The following RBFOX1 variants were observed in gnomAD, a reference collection of about 807,000 sequenced individuals.
RBFOX1 encodes the protein RNA binding fox-1 homolog 1.
Under a neutral mutation model 57.7 loss-of-function variants are expected in RBFOX1, and 8 were observed. The observed-to-expected ratio is 0.14, with a 90% CI of 0.08 to 0.25. The LOEUF (loss-of-function observed/expected upper bound fraction) is 0.25, where lower values mean the gene tolerates loss of function less well. RBFOX1 is among the 10% of genes least tolerant of loss of function. The pLI is 1.00. For missense variants in RBFOX1, 611 were observed against 548.5 expected, an observed-to-expected ratio of 1.11 and a Z score of -1.14; for synonymous variants, 326 against 222.4, an observed-to-expected ratio of 1.47 and a Z score of -4.15.
chr16:7,459,545 A>G (rs2059165027), intron 4 of RBFOX1, among the ~76,000 whole-genome samples: 1 of 152,208 alleles, frequency 6.6e-6, no homozygotes, highest in Non-Finnish European at 1.5e-5. Context: ...GTGTGGAACA[A>G]TTTAAAATTT....
chr16:5,387,970 G>T (rs1045354902), intron 1 of RBFOX1, among the ~76,000 whole-genome samples: 3 of 152,112 alleles, frequency 2.0e-5, no homozygotes, highest in African/African-American at 7.2e-5. Context: ...GGTGGAGGAG[G>T]GGACCACAAG....
chr16:7,349,797 A>G (rs2097093899), intron 4 of RBFOX1, among the ~76,000 whole-genome samples: 1 of 152,200 alleles, frequency 6.6e-6, no homozygotes, highest in Admixed American at 6.5e-5. Context: ...AGGAAAAAAT[A>G]AAGCAGAAAA....
At chr16:6,714,426 C>T (rs1045393839) in intron 3 of RBFOX1, among the ~76,000 whole-genome samples, 2 of 152,102 alleles carry the variant, frequency 1.3e-5, no homozygotes, top group African/African-American at 2.4e-5. Flanking sequence ...AAGCCACTGA[C>T]CACTATATGG....
intron 4 of RBFOX1, among the ~76,000 whole-genome samples, chr16:7,378,114 A>C (rs1170793661): frequency 6.6e-6 from 1 of 152,218 alleles, no homozygotes; most frequent in East Asian, 1.9e-4. Flanking sequence ...ATTGAGAAGT[A>C]GATCAGTCAG....
intron 4 of RBFOX1, among the ~76,000 whole-genome samples, chr16:7,382,542 T>A (rs1338150283): frequency 6.6e-6 from 1 of 152,218 alleles, no homozygotes; most frequent in Non-Finnish European, 1.5e-5. Flanking sequence ...ATGGCATAAC[T>A]CACCGAATTG....
intron 1 of RBFOX1, among the ~76,000 whole-genome samples, chr16:6,088,202 T>A (rs539735067): frequency 2.0e-5 from 3 of 152,286 alleles, no homozygotes; most frequent in Admixed American, 6.5e-5. Flanking sequence ...TTCTTTCATT[T>A]TTTTTTTCTC....
intron 4 of RBFOX1, among the ~76,000 whole-genome samples, chr16:7,189,678 G>C (rs1257381450): frequency 6.6e-6 from 1 of 151,904 alleles, no homozygotes; most frequent in African/African-American, 2.4e-5. Context: ...GCCTACCACT[G>C]GGAAAAAGGT....
intron 3 of RBFOX1, among the ~76,000 whole-genome samples, chr16:6,729,764 C>G (rs1258604151): frequency 1.3e-5 from 2 of 152,082 alleles, no homozygotes; most frequent in Non-Finnish European, 2.9e-5. Context: ...AAGTCACACT[C>G]TGTGTTCACT....
chr16:7,137,765 T>A (rs1169223336), intron 4 of RBFOX1, among the ~76,000 whole-genome samples: 1 of 152,158 alleles, frequency 6.6e-6, no homozygotes, highest in Non-Finnish European at 1.5e-5. Flanking sequence ...TATGCAACAG[T>A]CCCTACCTGG....
At chr16:7,361,036 G>C (rs1228044788) in intron 4 of RBFOX1, among the ~76,000 whole-genome samples, 1 of 152,170 alleles carries the variant, frequency 6.6e-6, no homozygotes, top group Admixed American at 6.5e-5. Flanking sequence ...CAGGAAGCTG[G>C]CTTTGTGGCG....
chr16:6,602,584 C>A (rs1174277119), intron 2 of RBFOX1, among the ~76,000 whole-genome samples: 1 of 152,100 alleles, frequency 6.6e-6, no homozygotes, highest in African/African-American at 2.4e-5. Context: ...TGCTGGGAGG[C>A]CAGGCGGGGA....
chr16:6,488,730 C>A lies in RBFOX1; in HGVS notation c.-63-165873C>A, dbSNP rs527712979. ...GTTTCTCAAACAGGATCAATTTCCT[C>A]CCCTAACCCATAATAATATTTAACA... On this transcript the variant is annotated intron_variant, in intron 2 of 15. Transcript: ENST00000550418. 6.6e-5 allele frequency among the ~76,000 whole-genome samples: 10 copies of A among 152,204 alleles called. No individual in the cohort carries two copies. The South Asian group carries it at 2.1e-3, about 32-fold the overall frequency.
intron 3 of RBFOX1, among the ~76,000 whole-genome samples, chr16:7,033,899 G>C (rs1427877980): frequency 6.6e-6 from 1 of 152,204 alleles, no homozygotes; most frequent in African/African-American, 2.4e-5. Context: ...AGCCTGGGAA[G>C]TTCAAGCTGC....
chr16:5,967,303 A>C (rs1032321766), intron 4 of RBFOX1, among the ~76,000 whole-genome samples: 1 of 152,198 alleles, frequency 6.6e-6, no homozygotes, highest in South Asian at 2.1e-4. Flanking sequence ...CTATGTATAC[A>C]TTATGTAACA....
chr16:6,601,040 AAAAC>A (rs1826865834), intron 2 of RBFOX1, among the ~76,000 whole-genome samples: 1 of 152,200 alleles, frequency 6.6e-6, no homozygotes, highest in African/African-American at 2.4e-5. Context: ...ATGAAAGAAA[AAAAC>A]AGTGTTTGAA....
At chr16:5,495,547 C>G (rs546113351) in intron 2 of RBFOX1, among the ~76,000 whole-genome samples, 1 of 152,206 alleles carries the variant, frequency 6.6e-6, no homozygotes, top group Non-Finnish European at 1.5e-5. Context: ...AAACAGGAAA[C>G]TGTCACAATA....
chr16:7,685,094 A>G (rs1290175263), intron 14 of RBFOX1, among the ~76,000 whole-genome samples: 1 of 152,050 alleles, frequency 6.6e-6, no homozygotes, highest in African/African-American at 2.4e-5. Context: ...CCCAAACCCC[A>G]GTCCCAGCCG....
intron 1 of RBFOX1, among the ~76,000 whole-genome samples, chr16:5,444,695 G>C (rs2068188641): frequency 6.6e-6 from 1 of 152,062 alleles, no homozygotes; most frequent in African/African-American, 2.4e-5. Flanking sequence ...TATGGGGCTG[G>C]GTAAAGGGAG....
At chr16:6,123,246 C>G (rs765950175) in intron 1 of RBFOX1, among the ~76,000 whole-genome samples, 1 of 152,170 alleles carries the variant, frequency 6.6e-6, no homozygotes. Context: ...AAGGTGGAAA[C>G]AACCCAAATG....
Sources: allele counts gnomAD v4.1 joint callset (sites outside exome capture counted in the v4.1 genomes callset), GRCh38; gene constraint gnomAD v4.1.1; transcripts MANE v1.5; gene names NCBI Gene and HGNC (gene_info 2026-07-23, HGNC 2026-07-21).